MSRA: variants seen among roughly 807,000 people sequenced by gnomAD.
MSRA encodes methionine sulfoxide reductase A, also known as mitochondrial peptide methionine sulfoxide reductase.
MSRA carries 54 observed loss-of-function variants against 31.3 expected under a neutral mutation model. The observed-to-expected ratio is 1.73, with a 90% CI of 1.39 to 2.17. The LOEUF (loss-of-function observed/expected upper bound fraction) is 2.17. Ranked by LOEUF, MSRA falls within the 30% of genes most tolerant of loss-of-function variation. The pLI is 0.00. For synonymous variants in MSRA, 169 were observed against 116.5 expected, an observed-to-expected ratio of 1.45 and a Z score of -2.90; for missense variants, 507 against 300.9, an observed-to-expected ratio of 1.69 and a Z score of -5.07.
At chr8:10,175,772 C>G (rs975721201) in intron 1 of MSRA, among the ~76,000 whole-genome samples, 7 of 152,346 alleles carry the variant, frequency 4.6e-5, no homozygotes, top group African/African-American at 1.4e-4. Flanking sequence ...AAAGGGTCTT[C>G]AAAACCTGTG....
chr8:10,235,722 T>C (rs1245867662), intron 2 of MSRA, among the ~76,000 whole-genome samples: 2 of 152,202 alleles, frequency 1.3e-5, no homozygotes, highest in African/African-American at 4.8e-5. Flanking sequence ...CAGGAAATTT[T>C]ATTGTAACTT....
intron 2 of MSRA, among the ~76,000 whole-genome samples, chr8:10,208,885 C>G (rs981235379): frequency 6.6e-6 from 1 of 152,200 alleles, no homozygotes; most frequent in East Asian, 1.9e-4. Flanking sequence ...ACTTGAATTG[C>G]GTTTGAACTG....
intron 1 of MSRA, among the ~76,000 whole-genome samples, chr8:10,098,300 C>G (rs1799308382): frequency 6.6e-6 from 1 of 152,080 alleles, no homozygotes; most frequent in Non-Finnish European, 1.5e-5. Context: ...ATTATTGAGG[C>G]AGAAATGCGT....
At chr8:10,199,968 AC>A (rs1209054836) in intron 1 of MSRA, among the ~76,000 whole-genome samples, 1 of 152,190 alleles carries the variant, frequency 6.6e-6, no homozygotes, top group African/African-American at 2.4e-5. Context: ...CTTATGCCTC[AC>A]CAAGGTGGGT....
chr8:10,387,461 G>A (rs1337093210), intron 5 of MSRA, among the ~76,000 whole-genome samples: 4 of 152,212 alleles, frequency 2.6e-5, no homozygotes. Flanking sequence ...AAGGGTCAGG[G>A]AGTTGAGGCT....
intron 1 of MSRA, chr8:10,096,395 C>G (rs1253768363): frequency 3.1e-6 from 2 of 636,890 alleles, no homozygotes; most frequent in Admixed American, 6.1e-5. Context: ...GTGTCTATGT[C>G]TAAGAGATGT....
intron 5 of MSRA, among the ~76,000 whole-genome samples, chr8:10,390,976 A>G (rs1806706707): frequency 1.0e-5 from 1 of 95,542 alleles, no homozygotes; most frequent in Non-Finnish European, 3.0e-5. Flanking sequence ...CTCTGTCTCA[A>G]AAGAAAAAAA....
chr8:10,382,676 A>T (rs1469459388), intron 5 of MSRA, among the ~76,000 whole-genome samples: 1 of 152,214 alleles, frequency 6.6e-6, no homozygotes, highest in Admixed American at 6.5e-5. Flanking sequence ...TCATCTCTGC[A>T]TTCAGAGTTA....
intron 5 of MSRA, among the ~76,000 whole-genome samples, chr8:10,335,181 AG>A (rs1802956613): frequency 6.6e-6 from 1 of 151,450 alleles, no homozygotes; most frequent in African/African-American, 2.4e-5. Context: ...AAGCAGGTGA[AG>A]GACAAAAGCA....
Position 10,147,974 on chromosome 8 carries a change from A to C in MSRA, c.143-59859A>C, listed in dbSNP as rs1023621647. The stretch of plus-strand genomic sequence containing the variant: ...ACCGGAAAGGGGAAGCGAGTCTCCC[A>C]TGGTTTGAGGTGTTGCTGCCCGTAC... On this transcript the variant is annotated intron_variant, in intron 1 of 5. Coordinates refer to ENST00000317173, the MANE Select transcript of MSRA (RefSeq NM_012331.5). 2.6e-5 allele frequency among the ~76,000 whole-genome samples: 4 copies of C among 152,298 alleles called. No homozygotes were observed. The East Asian group carries it at 7.7e-4, about 29-fold the overall frequency.
chr8:10,370,991 C>G (rs1805442786), intron 5 of MSRA, among the ~76,000 whole-genome samples: 1 of 152,186 alleles, frequency 6.6e-6, no homozygotes, highest in Non-Finnish European at 1.5e-5. Context: ...GTCTGCATGC[C>G]ACAATTCAAA....
chr8:10,236,363 T>A (rs1811939387), intron 2 of MSRA, among the ~76,000 whole-genome samples: 1 of 152,150 alleles, frequency 6.6e-6, no homozygotes. Flanking sequence ...AATGAGAAGG[T>A]GGAGTCAAAC....
chr8:10,215,772 A>T (rs1434429588), intron 2 of MSRA, among the ~76,000 whole-genome samples: 1 of 152,178 alleles, frequency 6.6e-6, no homozygotes, highest in Non-Finnish European at 1.5e-5. Context: ...CTCAACTGTA[A>T]AGCTAATCAG....
intron 1 of MSRA, among the ~76,000 whole-genome samples, chr8:10,117,402 C>G (rs920192320): frequency 1.4e-4 from 21 of 152,218 alleles, no homozygotes; most frequent in Admixed American, 1.4e-3. Context: ...GTGCCCTGAT[C>G]CAGCTCTCTG....
At chr8:10,255,748 G>A (rs573125713) in intron 3 of MSRA, among the ~76,000 whole-genome samples, 1 of 152,130 alleles carries the variant, frequency 6.6e-6, no homozygotes, top group East Asian at 1.9e-4. Flanking sequence ...TCACATACTG[G>A]GGGCTGGAGT....
At chr8:10,277,441 A>G (rs931067254) in intron 3 of MSRA, among the ~76,000 whole-genome samples, 2 of 152,180 alleles carry the variant, frequency 1.3e-5, no homozygotes, top group Admixed American at 6.5e-5. Flanking sequence ...AAGAATAGGA[A>G]ATTGAGGAGG....
intron 3 of MSRA, among the ~76,000 whole-genome samples, chr8:10,283,803 A>ATATG (rs1491359104): frequency 7.5e-4 from 13 of 17,328 alleles, no homozygotes; most frequent in African/African-American, 2.9e-3. Context: ...ATTCTATCTC[A>ATATG]TATATATATA....
chr8:10,404,908 G>A (rs1807706231), intron 5 of MSRA, among the ~76,000 whole-genome samples: 1 of 152,196 alleles, frequency 6.6e-6, no homozygotes, highest in Non-Finnish European at 1.5e-5. Context: ...GCACAGCTGT[G>A]CACCCACTGC....
At chr8:10,330,268 G>A (rs1166335163) in intron 5 of MSRA, among the ~76,000 whole-genome samples, 1 of 151,674 alleles carries the variant, frequency 6.6e-6, no homozygotes, top group East Asian at 1.9e-4. Flanking sequence ...CATTATTGAA[G>A]CTGAGCCCCT....
Sources: gnomAD v4.1 joint callset for allele counts (sites outside exome capture counted in the v4.1 genomes callset) on GRCh38, gnomAD v4.1.1 for gene constraint, MANE v1.5 for transcripts, NCBI Gene and HGNC (gene_info 2026-07-23, HGNC 2026-07-21) for gene names.